PRR5: variants seen among roughly 807,000 people sequenced by gnomAD.
The protein encoded by PRR5 is proline rich 5.
Under a neutral mutation model 30.6 loss-of-function variants are expected in PRR5, and 25 were observed. That is an observed-to-expected ratio of 0.82 (90% CI 0.60 to 1.14). The LOEUF (loss-of-function observed/expected upper bound fraction) is 1.14. PRR5 is among the 50% of genes most tolerant of loss of function. The pLI, the probability that PRR5 is intolerant of heterozygous loss-of-function variation, is 0.00. For missense variants in PRR5, 600 were observed against 547.1 expected (o/e 1.10, Z -0.96); for synonymous variants, 286 against 247.1 (o/e 1.16, Z -1.48).
intron 2 of PRR5, among the ~76,000 whole-genome samples, chr22:44,719,555 C>G (rs1041093940): frequency 1.4e-4 from 21 of 152,174 alleles, no homozygotes; most frequent in Admixed American, 2.6e-4. Flanking sequence ...TTGTGCTCAG[C>G]CGTGAGGTCC....
chr22:44,671,954 G>T (rs1215329637), intron 1 of PRR5, among the ~76,000 whole-genome samples: 2 of 152,188 alleles, frequency 1.3e-5, no homozygotes, highest in Non-Finnish European at 2.9e-5. Flanking sequence ...GTAGCCACGT[G>T]GTCTTGCTAT....
At chr22:44,698,151 G>A (rs1017526369), upstream of PRR5, among the ~76,000 whole-genome samples, 1 of 152,132 alleles carries the variant, frequency 6.6e-6, no homozygotes, top group Admixed American at 6.5e-5. Context: ...GTCCCCCTTG[G>A]TGACCAAGGG....
intron 1 of PRR5, 55 bp downstream of exon 1, chr22:44,702,663 C>G: frequency 3.2e-6 from 4 of 1,251,864 alleles, no homozygotes; most frequent in Non-Finnish European, 4.0e-6. Flanking sequence ...GGAGGGGACC[C>G]CTGAGCCGTC....
At chr22:44,729,326 G>C (rs1038919544) in intron 4 of PRR5, 3 of 982,582 alleles carry the variant, frequency 3.1e-6, no homozygotes, top group Non-Finnish European at 3.6e-6. Context: ...CCTGCACAGG[G>C]CCCTCAGCAC....
intron 4 of PRR5, chr22:44,731,335 C>T (rs1921927095): frequency 6.5e-6 from 2 of 308,234 alleles, no homozygotes; most frequent in Admixed American, 4.2e-5. Flanking sequence ...AGGGGTCTCA[C>T]CTGTGAACGT....
Position 44,731,804 on chromosome 22 carries a change from A to G in PRR5, c.397A>G (p.Ile133Val), listed in dbSNP as rs1922026729. Reference protein sequence around the residue: ...FSDVLPMLQAIFYPVQGKEPS... With the variant: ...FSDVLPMLQAVFYPVQGKEPS... ...TGACGTGCTGCCCATGCTGCAGGCCATCTTCTACCCGGTGCAGGTGGGCAG... is the reference window on the plus strand; with the variant it reads ...TGACGTGCTGCCCATGCTGCAGGCCGTCTTCTACCCGGTGCAGGTGGGCAG... The change falls in exon 5 of 8, where the codon ATC becomes GTC. Residue 133 changes from isoleucine to valine, a missense_variant. Coordinates refer to ENST00000336985, the MANE Select transcript of PRR5 (RefSeq NM_181333.4). 1.2e-6 allele frequency: 2 copies of G among 1,613,448 alleles called. No individual in the cohort carries two copies. The highest frequency in any genetic ancestry group is 1.7e-6 in the Non-Finnish European group (2 of 1,179,982).
intron 4 of PRR5, chr22:44,730,976 C>G (rs1386095955): frequency 4.6e-6 from 2 of 438,800 alleles, no homozygotes; most frequent in Non-Finnish European, 9.4e-6. Context: ...AGCTGGGTCC[C>G]CAGTGCCCAG....
chr22:44,731,629 C>G (rs776047690), intron 4 of PRR5, 101 bp from the exon 5 acceptor site: 2 of 1,220,018 alleles, frequency 1.6e-6, no homozygotes, highest in Non-Finnish European at 1.2e-6. Context: ...GGCCTGAGCC[C>G]AGGCCCTCCA....
intron 4 of PRR5, chr22:44,729,873 GC>G (rs1921616850): frequency 9.1e-6 from 9 of 985,494 alleles, no homozygotes; most frequent in Non-Finnish European, 1.1e-5. Flanking sequence ...CCCCCGGCCA[GC>G]CCGGGAACTG....
intron 6 of PRR5, among the ~76,000 whole-genome samples, chr22:44,732,657 C>A (rs1250134108): frequency 6.6e-6 from 1 of 152,158 alleles, no homozygotes; most frequent in Non-Finnish European, 1.5e-5. Context: ...GCTGTGCCCA[C>A]CCCCAGCACG....
At chr22:44,722,329 C>T (rs747797069) in intron 2 of PRR5, among the ~76,000 whole-genome samples, 31 of 152,326 alleles carry the variant, frequency 2.0e-4, no homozygotes, top group African/African-American at 6.5e-4. Context: ...TGGCTGTGAA[C>T]GGAGGCCTGT....
chr22:44,687,813 C>T lies in PRR5; in HGVS notation c.-11+10573C>T, dbSNP rs370619882. Among the ~76,000 whole-genome samples the T allele has an allele frequency of 2.3e-3, 345 of 152,222 alleles. 2 individuals carry two copies. Among genetic ancestry groups the T allele is most frequent in the African/African-American group, 7.6e-3 (315 of 41,552 alleles). On this transcript the variant is annotated intron_variant, in intron 1 of 8. Transcript: ENST00000006251. ...GTTTTGAGATGGAGTCTCACTCCGT[C>T]GCCCAGGCTGGAGTGCATTGGCGCG...
At chr22:44,669,069 G>A (rs1436967052) in intron 1 of PRR5, among the ~76,000 whole-genome samples, 1 of 90,892 alleles carries the variant, frequency 1.1e-5, no homozygotes, top group African/African-American at 4.3e-5. Context: ...CCAGCCTCCC[G>A]GGACCTCCCG....
intron 2 of PRR5, among the ~76,000 whole-genome samples, chr22:44,717,134 A>G (rs1020338933): frequency 2.0e-5 from 3 of 151,522 alleles, no homozygotes; most frequent in Non-Finnish European, 4.4e-5. Context: ...ATCCCATGAG[A>G]GAATCTGTTA....
chr22:44,736,180 A>G (rs1923216449), intron 7 of PRR5, among the ~76,000 whole-genome samples: 1 of 152,040 alleles, frequency 6.6e-6, no homozygotes, highest in Non-Finnish European at 1.5e-5. Flanking sequence ...CCCACAGTCT[A>G]TTACTCTCCA....
At position 44,702,355 on chromosome 22, in the gene PRR5, C is replaced by T. The variant is rs1304752139; in HGVS notation, c.-120C>T. ...GGGACCCCGCAGGACCGCTCGGCTT[C>T]CTGCTCTCGCCGGAGTTTCCGCGTA... On this transcript the variant is annotated 5_prime_UTR_variant, in exon 1 of 8. Transcript: ENST00000336985. 8.4e-7 allele frequency: 1 copy of T among 1,183,468 alleles called. No individual in the cohort carries two copies. The highest frequency in any genetic ancestry group is 1.0e-6 in the Non-Finnish European group (1 of 955,076). 73.3% of individuals were successfully genotyped at this position (1,183,468 alleles called of 1,614,324 possible). A position where few individuals can be genotyped will look rare whatever the true frequency, so the allele number is the denominator to read the frequency against.
chr22:44,694,542 A>T (rs769539760), intron 1 of PRR5, among the ~76,000 whole-genome samples: 1 of 151,860 alleles, frequency 6.6e-6, no homozygotes, highest in Non-Finnish European at 1.5e-5. Flanking sequence ...ATGCACGGAC[A>T]CTCTGTTCTG....
Position 44,679,782 on chromosome 22 carries a change from G to C in PRR5, c.-11+2542G>C, listed in dbSNP as rs775884983. On this transcript the variant is annotated intron_variant, in intron 1 of 8. Transcript: ENST00000006251. ...ACACTCAGTCTGATGGGGCAGGCTGGTCAGAAGACATAGAGCCATGGTGTG... is the reference window on the plus strand; with the variant it reads ...ACACTCAGTCTGATGGGGCAGGCTGCTCAGAAGACATAGAGCCATGGTGTG... 7 of 1,584,272 alleles carry C rather than the reference G, an allele frequency of 4.4e-6. No homozygotes were observed. The African/African-American group carries it at 8.1e-5, about 18-fold the overall frequency.
Position 44,726,591 on chromosome 22 carries a change from A to G in PRR5, c.279A>G (p.Thr93=), listed in dbSNP as rs1404352435. 1 of 1,614,122 alleles carries G rather than the reference A, an allele frequency of 6.2e-7. No homozygotes were observed. The highest frequency in any genetic ancestry group is 1.7e-5 in the Admixed American group (1 of 60,036). Reference sequence around the variant, plus strand: ...TTTACCTTCAGAACCAGCTGCTGACAAAAGGCATGGTGATCCTTCGGGACA... The same window carrying G: ...TTTACCTTCAGAACCAGCTGCTGACGAAAGGCATGGTGATCCTTCGGGACA... ...FTEYLQNQLL[T]KGMVILRDKI... Residue 93 remains threonine, a synonymous_variant, in exon 4 of 8, where the codon ACA becomes ACG. Coordinates refer to ENST00000336985, the MANE Select transcript of PRR5 (RefSeq NM_181333.4).
Sources: gnomAD v4.1 joint callset for allele counts (sites outside exome capture counted in the v4.1 genomes callset) on GRCh38, gnomAD v4.1.1 for gene constraint, MANE v1.5 for transcripts, NCBI Gene and HGNC (gene_info 2026-07-23, HGNC 2026-07-21) for gene names.